CADM2: variants seen among roughly 807,000 people sequenced by gnomAD.
CADM2 encodes cell adhesion molecule 2, also known as immunoglobulin superfamily member 4D.
CADM2 carries 12 observed loss-of-function variants against 49.8 expected under a neutral mutation model. The ratio of observed to expected loss-of-function variants is 0.24; its 90% CI spans 0.15 to 0.39. CADM2 has a LOEUF of 0.39. CADM2 is among the 10% of genes least tolerant of loss of function. CADM2 has a pLI of 1.00. For missense variants in CADM2, 378 were observed against 492.3 expected (o/e 0.77, Z 2.20); for synonymous variants, 214 against 175.4 (o/e 1.22, Z -1.74).
At chr3:85,874,038 T>G (rs1251880878) in intron 3 of CADM2, among the ~76,000 whole-genome samples, 1 of 152,026 alleles carries the variant, frequency 6.6e-6, no homozygotes, top group Non-Finnish European at 1.5e-5. Flanking sequence ...AAAATTTATA[T>G]TATTTTAATA....
chr3:85,898,573 CTTTT>C (rs199547014), intron 5 of CADM2, among the ~76,000 whole-genome samples: 3 of 142,384 alleles, frequency 2.1e-5, no homozygotes, highest in Non-Finnish European at 3.1e-5. Flanking sequence ...ACATATCTTT[CTTTT>C]TTTTTTTTTG....
At chr3:85,410,635 TAA>T (rs1220266188) in intron 1 of CADM2, among the ~76,000 whole-genome samples, 2 of 152,176 alleles carry the variant, frequency 1.3e-5, no homozygotes, top group Non-Finnish European at 2.9e-5. Flanking sequence ...CCGAAACAGT[TAA>T]AAAGAGTTAA....
chr3:85,782,384 A>G (rs989604150), intron 2 of CADM2, among the ~76,000 whole-genome samples: 1 of 152,072 alleles, frequency 6.6e-6, no homozygotes, highest in Admixed American at 6.6e-5. Flanking sequence ...TAAGAAATAC[A>G]CTCCATTTCT....
chr3:85,474,822 T>C (rs1335897625), intron 1 of CADM2, among the ~76,000 whole-genome samples: 1 of 151,896 alleles, frequency 6.6e-6, no homozygotes, highest in African/African-American at 2.4e-5. Flanking sequence ...TTATTATCAT[T>C]GTAAAATGAC....
chr3:85,413,555 T>C (rs145953555), intron 1 of CADM2, among the ~76,000 whole-genome samples: 4 of 152,204 alleles, frequency 2.6e-5, no homozygotes, highest in African/African-American at 9.6e-5. Context: ...TCAGGAAACT[T>C]ACAATCATGG....
At chr3:85,989,379 C>G (rs1212376472) in intron 8 of CADM2, among the ~76,000 whole-genome samples, 1 of 152,134 alleles carries the variant, frequency 6.6e-6, no homozygotes, top group African/African-American at 2.4e-5. Flanking sequence ...GAGCAGCAGT[C>G]AAGCAAGGAC....
At chr3:85,637,098 G>A (rs1255837654) in intron 1 of CADM2, among the ~76,000 whole-genome samples, 1 of 151,856 alleles carries the variant, frequency 6.6e-6, no homozygotes. Flanking sequence ...TTTGGTACCT[G>A]GCATGATTAA....
intron 1 of CADM2, among the ~76,000 whole-genome samples, chr3:85,543,899 C>T (rs1187533330): frequency 6.6e-6 from 1 of 152,158 alleles, no homozygotes; most frequent in African/African-American, 2.4e-5. Context: ...GTTTTCAACA[C>T]TTGAATTCTG....
chr3:85,275,901 C>A (rs759826148), intron 1 of CADM2, among the ~76,000 whole-genome samples: 7 of 151,064 alleles, frequency 4.6e-5, no homozygotes, highest in Non-Finnish European at 7.4e-5. Context: ...ACCTCAGGGT[C>A]ATTATGTGTG....
chr3:85,609,053 G>C (rs1355813971), intron 1 of CADM2, among the ~76,000 whole-genome samples: 1 of 151,804 alleles, frequency 6.6e-6, no homozygotes. Context: ...TGTTCTCCAG[G>C]TTTCCTCCAT....
At chr3:85,385,133 C>T (rs2034147601) in intron 1 of CADM2, among the ~76,000 whole-genome samples, 1 of 151,996 alleles carries the variant, frequency 6.6e-6, no homozygotes, top group South Asian at 2.1e-4. Context: ...TGGGGTTTTG[C>T]CATGTTGTCC....
In CADM2 at chr3:85,368,038, A is replaced by C. The variant is rs190339317; in HGVS notation, c.62-358484A>C. On this transcript the variant is annotated intron_variant, in intron 1 of 9. Coordinates refer to ENST00000383699, the MANE Select transcript of CADM2 (RefSeq NM_001167675.2). The stretch of plus-strand genomic sequence containing the variant: ...AAGAAATAACTGAAGAAAAAACACT[A>C]ATTTATTACACACAAAAATTAATTT... 2.7e-3 allele frequency among the ~76,000 whole-genome samples: 404 copies of C among 152,174 alleles called. 1 individual carries two copies. In the Middle Eastern group the frequency reaches 0.041, roughly 15 times the overall value.
intron 1 of CADM2, among the ~76,000 whole-genome samples, chr3:85,505,063 A>G (rs2107673162): frequency 6.6e-6 from 1 of 152,130 alleles, no homozygotes; most frequent in South Asian, 2.1e-4. Flanking sequence ...CTCTCCCTCC[A>G]CACCTCCCTG....
At chr3:85,432,740 G>A (rs2036739392) in intron 1 of CADM2, among the ~76,000 whole-genome samples, 1 of 152,078 alleles carries the variant, frequency 6.6e-6, no homozygotes, top group African/African-American at 2.4e-5. Context: ...ATTTCTTATA[G>A]CATTACATTC....
At chr3:85,226,458 T>C (rs1427935975) in intron 1 of CADM2, among the ~76,000 whole-genome samples, 1 of 152,064 alleles carries the variant, frequency 6.6e-6, no homozygotes, top group Non-Finnish European at 1.5e-5. Flanking sequence ...TCTGTGGGAC[T>C]GGGGGTGATA....
chr3:85,769,164 G>A (rs2069847682), intron 2 of CADM2, among the ~76,000 whole-genome samples: 2 of 57,260 alleles, frequency 3.5e-5, no homozygotes, highest in Non-Finnish European at 5.4e-5. Context: ...TACATATATA[G>A]TATATATACA....
Position 85,620,339 on chromosome 3 carries a change from A to G in CADM2, c.62-106183A>G, listed in dbSNP as rs574205351. Among the ~76,000 whole-genome samples the G allele has an allele frequency of 2.6e-5, 4 of 152,234 alleles. No homozygotes were observed. The South Asian group carries it at 6.2e-4, about 24-fold the overall frequency. ...ATTTAGTATAAAATAATAGTATTTT[A>G]TATAAAATTCTTAGAGCAACCAATA... is the stretch of plus-strand genomic sequence containing the variant. On this transcript the variant is annotated intron_variant, in intron 1 of 9. Coordinates refer to ENST00000383699, the MANE Select transcript of CADM2 (RefSeq NM_001167675.2).
chr3:85,889,456 G>A (rs948403975), intron 5 of CADM2, among the ~76,000 whole-genome samples: 3 of 152,228 alleles, frequency 2.0e-5, no homozygotes, highest in Non-Finnish European at 4.4e-5. Flanking sequence ...GTGCGTGTTT[G>A]CCATTGTGTT....
At chr3:85,854,490 T>G (rs968206427) in intron 3 of CADM2, among the ~76,000 whole-genome samples, 1 of 152,132 alleles carries the variant, frequency 6.6e-6, no homozygotes, top group East Asian at 1.9e-4. Context: ...GGACATTGAT[T>G]AATCTGGAAA....
Sources: allele counts gnomAD v4.1 joint callset (sites outside exome capture counted in the v4.1 genomes callset), GRCh38; gene constraint gnomAD v4.1.1; transcripts MANE v1.5; gene names NCBI Gene and HGNC (gene_info 2026-07-23, HGNC 2026-07-21).